Variants in RAPGEF3 observed in about 807,000 individuals in gnomAD.
RAPGEF3 encodes the protein 9330170P05Rik.
RAPGEF3 carries 103 observed loss-of-function variants against 129.8 expected under a neutral mutation model. That is an observed-to-expected ratio of 0.79 (90% CI 0.68 to 0.93). The LOEUF is 0.93. Ranked by LOEUF, RAPGEF3 falls within the 40% of genes least tolerant of loss-of-function variation. RAPGEF3 has a pLI of 0.00. For synonymous variants in RAPGEF3, 436 were observed against 482.6 expected, an observed-to-expected ratio of 0.90 and a Z score of 1.26; for missense variants, 1,117 against 1,207.4, an observed-to-expected ratio of 0.93 and a Z score of 1.11.
In RAPGEF3 at chr12:47,734,543, C is replaced by T. The variant is rs569542425; in HGVS notation, c.*3024G>A. ...AAGCAGTTATGTGACCTTGGGCAAA[C>T]CTGCCTGTGCCTCAGTTTCTTTGAC... On this transcript the variant is annotated 3_prime_UTR_variant, in exon 28 of 28. Transcript: ENST00000449771. 2 of 152,348 alleles carry T rather than the reference C, an allele frequency of 1.3e-5. No homozygotes were observed. Among genetic ancestry groups the T allele is most frequent in the South Asian group, 4.1e-4 (2 of 4,826 alleles). The allele number at this position is 152,348 out of a possible 1,614,324, so 9.4% of individuals were successfully genotyped here. A position where few individuals can be genotyped will look rare whatever the true frequency, so the allele number is the denominator to read the frequency against.
At position 47,746,627 on chromosome 12, in the gene RAPGEF3, G is replaced by C. The variant is rs1345911090; in HGVS notation, c.1596+233C>G. The stretch of plus-strand genomic sequence containing the variant: ...TCCCAAAAGGAATAAAAGGCCCATT[G>C]AGTCAGGGAGTGGGCGAGGAGGGAG... On this transcript the variant is annotated intron_variant, in intron 16 of 27. Transcript: ENST00000449771. 9 of 710,240 alleles carry C rather than the reference G, an allele frequency of 1.3e-5. No homozygotes were observed. In the South Asian group the frequency reaches 1.4e-4, roughly 11 times the overall value. 44.0% of individuals were successfully genotyped at this position (710,240 alleles called of 1,614,324 possible). A position where few individuals can be genotyped will look rare whatever the true frequency, so the allele number is the denominator to read the frequency against.
chr12:47,751,017 G>C (rs1477892032), intron 6 of RAPGEF3, 31 bp downstream of exon 6: 1 of 1,586,432 alleles, frequency 6.3e-7, no homozygotes, highest in East Asian at 2.3e-5. Flanking sequence ...TGTGAGGCCT[G>C]GGGTCACGGG....
Position 47,746,965 on chromosome 12 carries a change from T to C in RAPGEF3, c.1557-66A>G, listed in dbSNP as rs1941458469. On this transcript the variant is annotated intron_variant, in intron 15 of 27. Coordinates refer to ENST00000449771, the MANE Select transcript of RAPGEF3 (RefSeq NM_001098531.4). Reference sequence around the variant, plus strand: ...CCCTGGGGCTGCAGCAGGGAGGCCCTTGGGGCTCTGGATTCTCCCCGGCCC... The same window carrying C: ...CCCTGGGGCTGCAGCAGGGAGGCCCCTGGGGCTCTGGATTCTCCCCGGCCC... 8 of 1,485,924 alleles carry C rather than the reference T, an allele frequency of 5.4e-6. No individual in the cohort carries two copies. In the South Asian group the frequency reaches 9.8e-5, roughly 18 times the overall value. 92.0% of individuals were successfully genotyped at this position (1,485,924 alleles called of 1,614,324 possible).
chr12:47,739,734 C>T, intron 23 of RAPGEF3: 1 of 367,434 alleles, frequency 2.7e-6, no homozygotes, highest in South Asian at 2.7e-5. Flanking sequence ...GTCTAGCCCG[C>T]AAGCCCCTCG....
intron 2 of RAPGEF3, among the ~76,000 whole-genome samples, chr12:47,754,766 C>G (rs2136815323): frequency 6.6e-6 from 1 of 152,296 alleles, no homozygotes; most frequent in Non-Finnish European, 1.5e-5. Context: ...CTAGTCATGT[C>G]AGTTTCAGGG....
At chr12:47,748,663 C>T in intron 11 of RAPGEF3, 121 bp from the exon 12 acceptor site, 2 of 1,065,770 alleles carry the variant, frequency 1.9e-6, no homozygotes, top group East Asian at 2.4e-5. Flanking sequence ...CACCTTAGGG[C>T]AGGGAGGAGA....
intron 11 of RAPGEF3, 102 bp from the exon 12 acceptor site, chr12:47,748,644 G>T: frequency 8.7e-7 from 1 of 1,149,880 alleles, no homozygotes; most frequent in East Asian, 2.4e-5. Flanking sequence ...CCATTAGCCA[G>T]CCCTGTCCCA....
At chr12:47,756,706 C>T (rs1405135676) in intron 2 of RAPGEF3, among the ~76,000 whole-genome samples, 4 of 152,180 alleles carry the variant, frequency 2.6e-5, no homozygotes, top group African/African-American at 9.7e-5. Flanking sequence ...CGCAATGGCT[C>T]ATGCTTGTAA....
Position 47,738,216 on chromosome 12 carries a change from T to A in RAPGEF3, c.2558A>T (p.His853Leu). 9.3e-6 allele frequency: 15 copies of A among 1,613,656 alleles called. No homozygotes were observed. Among genetic ancestry groups the A allele is most frequent in the Non-Finnish European group, 1.3e-5 (15 of 1,179,982 alleles). Residue 853 changes from histidine to leucine, a missense_variant, in exon 26 of 28, where the codon CAC becomes CTC. This residue lies in a region of RAPGEF3 where 643 missense variants were observed against 673.4 expected (regional missense o/e 0.95). Coordinates refer to ENST00000449771, the MANE Select transcript of RAPGEF3 (RefSeq NM_001098531.4). ...RMMARAARMLHHCRSHNPVPL... is the reference protein window; with the variant it reads ...RMMARAARMLLHCRSHNPVPL... ...ACCAGGGTTGTGGCTTCGGCAGTGG[T>A]GCAGCATCCGCGCGGCTCTGGCCAT...
chr12:47,740,004 G>T, intron 23 of RAPGEF3, 137 bp downstream of exon 23: 1 of 1,088,750 alleles, frequency 9.2e-7, no homozygotes. Context: ...TAGGCCCTGG[G>T]CCGAGGTTGG....
rs1942166527 is a variant in RAPGEF3 at position 47,757,719 on chromosome 12, A to G, written c.219+147T>C. On this transcript the variant is annotated intron_variant, in intron 2 of 27. Transcript: ENST00000449771. Reference sequence around the variant, plus strand: ...TGAGCCACCCACGCACACTGCAGACAAGCTTCCTGACCCAGTGTCCACGGC... The same window carrying G: ...TGAGCCACCCACGCACACTGCAGACGAGCTTCCTGACCCAGTGTCCACGGC... 2.0e-5 allele frequency: 15 copies of G among 740,974 alleles called. 1 individual carries two copies. In the South Asian group the frequency reaches 2.5e-4, roughly 13 times the overall value. The allele number at this position is 740,974 out of a possible 1,614,324, so 45.9% of individuals were successfully genotyped here.
At chr12:47,746,733 G>C in intron 16 of RAPGEF3, 127 bp downstream of exon 16, 1 of 1,114,280 alleles carries the variant, frequency 9.0e-7, no homozygotes, top group Non-Finnish European at 1.3e-6. Flanking sequence ...ACACCTATCA[G>C]AGACCCAAGG....
Position 47,746,917 on chromosome 12 carries a change from G to T in RAPGEF3, c.1557-18C>A. On this transcript the variant is annotated intron_variant, in intron 15 of 27. Transcript: ENST00000449771. Reference sequence around the variant, plus strand: ...TCTCCAACCTGCAGACAAGAGAGAAGGGAGGTGAGTGAGCCCAGGTATCCC... The same window carrying T: ...TCTCCAACCTGCAGACAAGAGAGAATGGAGGTGAGTGAGCCCAGGTATCCC... The T allele has an allele frequency of 6.2e-7, 1 of 1,603,654 alleles. No homozygotes were observed. The highest frequency in any genetic ancestry group is 1.1e-5 in the South Asian group (1 of 89,142).
intron 2 of RAPGEF3, among the ~76,000 whole-genome samples, chr12:47,756,977 A>G (rs1041204791): frequency 3.3e-5 from 5 of 152,076 alleles, no homozygotes; most frequent in South Asian, 4.1e-4. Flanking sequence ...AAAAAAAAAA[A>G]AAAGAAAGAA....
At chr12:47,741,269 G>T in intron 19 of RAPGEF3, 1 of 685,236 alleles carries the variant, frequency 1.5e-6, no homozygotes, top group Non-Finnish European at 2.4e-6. Flanking sequence ...CCTAACTAGG[G>T]CAGGTCCTCC....
At position 47,758,571 on chromosome 12, in the gene RAPGEF3, T is replaced by TCGCACAGC; in HGVS notation, c.-23_-16dup. ...CCCACCTTCATGTTTCTTTTCAAGC[T>TCGCACAGC]CGCACAGCCGTGCAGGCTCTAGCAA... On this transcript the variant is annotated 5_prime_UTR_variant, in exon 1 of 28. Coordinates refer to ENST00000449771, the MANE Select transcript of RAPGEF3 (RefSeq NM_001098531.4). 1 of 1,613,882 alleles carries TCGCACAGC rather than the reference T, an allele frequency of 6.2e-7. No individual in the cohort carries two copies. Among genetic ancestry groups the TCGCACAGC allele is most frequent in the Non-Finnish European group, 8.5e-7 (1 of 1,179,896 alleles).
Position 47,740,809 on chromosome 12 carries a change from G to C in RAPGEF3, c.2064C>G (p.His688Gln), listed in dbSNP as rs1427450092. Residue 688 changes from histidine to glutamine, a missense_variant, in exon 21 of 28, where the codon CAC (histidine) becomes CAG (glutamine). Transcript: ENST00000449771. The stretch of plus-strand genomic sequence containing the variant: ...GCAGATGCTGGGGGCCCAGCACATA[G>C]TGGATCAGCTCCACCTGGGTGGGGT... ...FNSIHQVELI[H>Q]YVLGPQHLRD... The C allele has an allele frequency of 1.2e-6, 2 of 1,613,852 alleles. No individual in the cohort carries two copies. Among genetic ancestry groups the C allele is most frequent in the Non-Finnish European group, 1.7e-6 (2 of 1,179,996 alleles).
In RAPGEF3 at chr12:47,739,179, G is replaced by A. The variant is rs372890819; in HGVS notation, c.2425C>T (p.Pro809Ser). The A allele has an allele frequency of 1.4e-4, 222 of 1,609,078 alleles. No individual in the cohort carries two copies. Among genetic ancestry groups the A allele is most frequent in the East Asian group, 5.8e-4 (26 of 44,872 alleles). ...VYRLALAKLSPPVIPFMPLLL... is the reference protein window; with the variant it reads ...VYRLALAKLSSPVIPFMPLLL... ...AGGGGCATGAAGGGGATGACAGGAG[G>A]GGAGAGCTTGGCGAGGGCCAGTCGG... is the stretch of plus-strand genomic sequence containing the variant. The change falls in exon 24 of 28, where the codon CCT (proline) becomes TCT (serine). Residue 809 changes from proline to serine, a missense_variant. Pro to Ser is a moderately conservative substitution (Grantham distance 74). This residue lies in a region of RAPGEF3 where 643 missense variants were observed against 673.4 expected (regional missense o/e 0.95). Coordinates refer to ENST00000449771, the MANE Select transcript of RAPGEF3 (RefSeq NM_001098531.4).
At chr12:47,754,375 C>T (rs1225707542) in intron 2 of RAPGEF3, among the ~76,000 whole-genome samples, 1 of 152,222 alleles carries the variant, frequency 6.6e-6, no homozygotes, top group African/African-American at 2.4e-5. Context: ...CTCTCTGTGC[C>T]CCCAGGATGT....
Sources: gnomAD v4.1 joint callset for allele counts (sites outside exome capture counted in the v4.1 genomes callset) on GRCh38, gnomAD v4.1.1 for gene constraint, gnomAD v4.1.1 regional missense constraint, MANE v1.5 for transcripts, NCBI Gene and HGNC (gene_info 2026-07-23, HGNC 2026-07-21) for gene names.